Variants in RPGRIP1L observed in about 807,000 individuals in gnomAD.
RPGRIP1L encodes the protein protein fantom.
Under a neutral mutation model 160.4 loss-of-function variants are expected in RPGRIP1L, and 131 were observed. The observed-to-expected ratio is 0.82, with a 90% CI of 0.71 to 0.94. RPGRIP1L has a LOEUF of 0.94. Among genes scored for constraint, RPGRIP1L ranks in the 40% least tolerant of loss-of-function variants. RPGRIP1L has a pLI of 0.00. For synonymous variants in RPGRIP1L, 510 were observed against 515.8 expected, an observed-to-expected ratio of 0.99 and a Z score of 0.15; for missense variants, 1,522 against 1,535.8, an observed-to-expected ratio of 0.99 and a Z score of 0.15.
At chr16:53,692,411 A>G (rs1377596356) in intron 3 of RPGRIP1L, 47 bp from the exon 4 acceptor site, 18 of 1,549,094 alleles carry the variant, frequency 1.2e-5, no homozygotes, top group Non-Finnish European at 1.5e-5. Flanking sequence ...AAGTCAGCAT[A>G]AAATCCATTC....
At chr16:53,695,280 A>G (rs1206670965) in intron 3 of RPGRIP1L, 2 of 691,090 alleles carry the variant, frequency 2.9e-6, no homozygotes, top group Admixed American at 4.2e-5. Flanking sequence ...ACAAATCTTG[A>G]AAACAGCCAT....
chr16:53,608,853 C>T (rs945370048), intron 25 of RPGRIP1L, among the ~76,000 whole-genome samples: 2 of 152,106 alleles, frequency 1.3e-5, no homozygotes, highest in African/African-American at 4.8e-5. Flanking sequence ...CGCCTCTTTC[C>T]CTTAGGACAA....
chr16:53,645,894 C>T lies in RPGRIP1L; in HGVS notation c.2414G>A (p.Arg805Gln), dbSNP rs532412372. ...TIRCCNHLQS[R>Q]ASHLQPHPYV... ...TGGGTGTGGCTGCAGGTGGCTTGCT[C>T]GGGACTGCAGGTGGTTGCAACATCT... Residue 805 changes from arginine (R) to glutamine (Q), a missense_variant, in exon 17 of 27, where the codon CGA becomes CAA. Physicochemically the swap from Arg to Gln is conservative, Grantham distance 43. Coordinates refer to ENST00000647211, the MANE Select transcript of RPGRIP1L (RefSeq NM_015272.5). The T allele has an allele frequency of 1.9e-5, 30 of 1,614,018 alleles. No homozygotes were observed. The highest frequency in any genetic ancestry group is 1.7e-4 in the African/African-American group (13 of 74,978).
intron 10 of RPGRIP1L, among the ~76,000 whole-genome samples, chr16:53,663,984 G>T (rs967488260): frequency 1.3e-5 from 2 of 152,146 alleles, no homozygotes; most frequent in Admixed American, 6.5e-5. Context: ...AACTAGAAAC[G>T]TAACTGTTTT....
intron 14 of RPGRIP1L, 105 bp from the exon 15 acceptor site, chr16:53,653,092 A>T: frequency 4.1e-6 from 4 of 974,264 alleles, no homozygotes; most frequent in Non-Finnish European, 6.2e-6. Flanking sequence ...AACAGTCTCT[A>T]TTTTAAATTC....
At chr16:53,662,973 A>C (rs1395732833) in intron 10 of RPGRIP1L, among the ~76,000 whole-genome samples, 1 of 152,060 alleles carries the variant, frequency 6.6e-6, no homozygotes, top group Non-Finnish European at 1.5e-5. Flanking sequence ...AGCCATTATA[A>C]ATGATTGTGA....
chr16:53,625,018 G>C (rs965641850), intron 22 of RPGRIP1L, among the ~76,000 whole-genome samples: 4 of 152,070 alleles, frequency 2.6e-5, no homozygotes, highest in Non-Finnish European at 5.9e-5. Flanking sequence ...TGCCCACCTT[G>C]GCCTCCCCAG....
intron 16 of RPGRIP1L, among the ~76,000 whole-genome samples, chr16:53,647,584 G>C (rs1195767368): frequency 6.6e-6 from 1 of 152,174 alleles, no homozygotes; most frequent in African/African-American, 2.4e-5. Flanking sequence ...GGTCAAGTGG[G>C]TATTCCCAAA....
In RPGRIP1L at chr16:53,641,297, G is replaced by C. The variant is rs1460721656; in HGVS notation, c.2862C>G (p.Ser954Arg). The change falls in exon 18 of 27, where the codon AGC becomes AGG. Residue 954 changes from serine to arginine, a missense_variant. Ser to Arg is a moderately radical substitution (Grantham distance 110). Transcript: ENST00000647211. The stretch of plus-strand genomic sequence containing the variant: ...CACTGATACTCACTAAAACTAGTGT[G>C]CTAACAGAGGATGCTGGAGGAAGTC... ...VQRLPPASSV[S>R]TLVLAPRPKP... The C allele has an allele frequency of 6.2e-7, 1 of 1,613,844 alleles. No homozygotes were observed. The highest frequency in any genetic ancestry group is 1.7e-5 in the Admixed American group (1 of 60,012).
At chr16:53,675,200 A>G (rs1355553029) in intron 6 of RPGRIP1L, 78 bp from the exon 7 acceptor site, 4 of 856,884 alleles carry the variant, frequency 4.7e-6, no homozygotes, top group African/African-American at 3.3e-5. Flanking sequence ...TGGAATCACA[A>G]TTTTTCAACT....
chr16:53,610,957 CA>C lies in RPGRIP1L; in HGVS notation c.3701+9del, dbSNP rs1963996781. ...TAAACCATTAGATTATTTGGACTGC[CA>C]AAACATACCTTCTATTAGGCATCTC... On this transcript the variant is annotated intron_variant, in intron 25 of 26. Coordinates refer to ENST00000647211, the MANE Select transcript of RPGRIP1L (RefSeq NM_015272.5). 1 of 1,588,808 alleles carries C rather than the reference CA, an allele frequency of 6.3e-7. No homozygotes were observed. Among genetic ancestry groups the C allele is most frequent in the South Asian group, 1.1e-5 (1 of 90,616 alleles).
chr16:53,702,337 G>C (rs1000691600), intron 1 of RPGRIP1L, among the ~76,000 whole-genome samples: 26 of 152,216 alleles, frequency 1.7e-4, no homozygotes, highest in Admixed American at 1.2e-3. Context: ...CTGGCATCTA[G>C]TGAGTAGAGG....
intron 26 of RPGRIP1L, among the ~76,000 whole-genome samples, chr16:53,602,622 A>G (rs1034707939): frequency 1.3e-5 from 2 of 152,040 alleles, no homozygotes; most frequent in Non-Finnish European, 2.9e-5. Flanking sequence ...CTAAAAATAC[A>G]AAATTAGCCG....
Position 53,641,183 on chromosome 16 carries a change from CTATTAT to C in RPGRIP1L, c.2875-73_2875-68del. Reference sequence around the variant, plus strand: ...CATTAGATTTCAGATAAGACTTTAGCTATTATTATTATTTTTTTTTGGTGGGGGTGG... The same window carrying C: ...CATTAGATTTCAGATAAGACTTTAGCTATTATTTTTTTTTGGTGGGGGTGG... On this transcript the variant is annotated intron_variant, in intron 18 of 26. Transcript: ENST00000647211. The C allele has an allele frequency of 3.9e-6, 6 of 1,521,176 alleles. No homozygotes were observed. The Admixed American group carries it at 6.8e-5, about 17-fold the overall frequency. The allele number at this position is 1,521,176 out of a possible 1,614,324, so 94.2% of individuals were successfully genotyped here. A position where few individuals can be genotyped will look rare whatever the true frequency, so the allele number is the denominator to read the frequency against.
chr16:53,649,031 T>TA lies in RPGRIP1L; in HGVS notation c.2236dup (p.Tyr746LeufsTer16). 6.2e-7 allele frequency: 1 copy of TA among 1,614,024 alleles called. No homozygotes were observed. On this transcript the variant is annotated frameshift_variant, in exon 16 of 27. Transcript: ENST00000647211. LOFTEE classifies it high-confidence loss of function. ...CCCCAAAGCCTTTGCCCTTTCTCGA[T>TA]AAAGTCGAATTGCTTGATCCATGGG...
intron 14 of RPGRIP1L, among the ~76,000 whole-genome samples, chr16:53,655,983 AGCATGACATATCT>A (rs1307107704): frequency 6.6e-6 from 1 of 152,246 alleles, no homozygotes; most frequent in Non-Finnish European, 1.5e-5. Context: ...AGTGGGCCTG[AGCATGACATATCT>A]GCAAAGAGCA....
chr16:53,609,789 G>A (rs999700895), intron 25 of RPGRIP1L, among the ~76,000 whole-genome samples: 1 of 152,132 alleles, frequency 6.6e-6, no homozygotes, highest in African/African-American at 2.4e-5. Flanking sequence ...AGTCAAACCT[G>A]AGTGATTACC....
intron 12 of RPGRIP1L, among the ~76,000 whole-genome samples, chr16:53,658,017 ATCT>A (rs1967417230): frequency 6.6e-6 from 1 of 152,186 alleles, no homozygotes; most frequent in Admixed American, 6.5e-5. Context: ...ATTAAAAATT[ATCT>A]TCTTGAGATA....
At chr16:53,612,340 T>C (rs1964099842) in intron 24 of RPGRIP1L, among the ~76,000 whole-genome samples, 2 of 152,204 alleles carry the variant, frequency 1.3e-5, no homozygotes, top group South Asian at 2.1e-4. Flanking sequence ...CTGAAGTTTA[T>C]AGAAATCAAT....
Sources: allele counts gnomAD v4.1 joint callset (sites outside exome capture counted in the v4.1 genomes callset), GRCh38; gene constraint gnomAD v4.1.1; transcripts MANE v1.5; gene names NCBI Gene and HGNC (gene_info 2026-07-23, HGNC 2026-07-21).